Variants in NCOA2 observed in about 807,000 individuals in gnomAD.
NCOA2 encodes nuclear receptor coactivator 2, also known as class E basic helix-loop-helix protein 75.
NCOA2 carries 21 observed loss-of-function variants against 145.1 expected under a neutral mutation model. That is an observed-to-expected ratio of 0.14 (90% CI 0.10 to 0.21). NCOA2 has a LOEUF of 0.21. NCOA2 is among the 10% of genes least tolerant of loss of function. The pLI, the probability that NCOA2 is intolerant of heterozygous loss-of-function variation, is 1.00. For synonymous variants in NCOA2, 619 were observed against 637.5 expected (o/e 0.97, Z 0.44); for missense variants, 1,472 against 1,837.6 (o/e 0.80, Z 3.64).
In NCOA2 at chr8:70,264,720, A is replaced by C. The variant is rs536300303; in HGVS notation, c.-20+32024T>G. Among the ~76,000 whole-genome samples, 3 of 152,334 alleles carry C rather than the reference A, an allele frequency of 2.0e-5. No homozygotes were observed. The South Asian group carries it at 6.2e-4, about 32-fold the overall frequency. ...TGCCGGAATACTTGAAATTGGAAAA[A>C]ATTAGAAACAACCTAAATGCAGATC... On this transcript the variant is annotated intron_variant, in intron 2 of 22. Transcript: ENST00000452400.
At chr8:70,187,055 C>T (rs1415645112) in intron 4 of NCOA2, among the ~76,000 whole-genome samples, 1 of 152,176 alleles carries the variant, frequency 6.6e-6, no homozygotes, top group East Asian at 1.9e-4. Flanking sequence ...CCTTCCACAA[C>T]TATTTAAAGC....
At chr8:70,124,968 A>G in intron 19 of NCOA2, 103 bp from the exon 20 acceptor site, 1 of 990,810 alleles carries the variant, frequency 1.0e-6, no homozygotes, top group South Asian at 1.8e-5. Flanking sequence ...TGCATAAAAA[A>G]TTACTTTCAA....
chr8:70,179,906 C>T (rs139365795), intron 4 of NCOA2, among the ~76,000 whole-genome samples: 14 of 152,206 alleles, frequency 9.2e-5, no homozygotes, highest in African/African-American at 2.4e-4. Flanking sequence ...CTTCCTGCTA[C>T]GCTTTTACCA....
At chr8:70,195,548 AATGTACAATATAAAATTTTCACTTAATT>A in intron 4 of NCOA2, among the ~76,000 whole-genome samples, 1 of 152,290 alleles carries the variant, frequency 6.6e-6, no homozygotes, top group East Asian at 1.9e-4. Flanking sequence ...TGCCTCTGAA[AATGTACAATATAAAATTTTCACTTAATT>A]ATTTTTATGT....
At chr8:70,435,127 A>G in the NCOA2 span, among the ~76,000 whole-genome samples, 1 of 152,052 alleles carries the variant, frequency 6.6e-6, no homozygotes, top group Non-Finnish European at 1.5e-5. Context: ...TTCTGCTCTC[A>G]TTAAGAATAC....
intron 15 of NCOA2, among the ~76,000 whole-genome samples, chr8:70,137,242 C>T (rs2131705586): frequency 6.6e-6 from 1 of 152,284 alleles, no homozygotes; most frequent in Admixed American, 6.5e-5. Flanking sequence ...AGGGTTTCTC[C>T]ACGTTGGTCA....
At chr8:70,418,968 A>G in the NCOA2 span, among the ~76,000 whole-genome samples, 1 of 152,146 alleles carries the variant, frequency 6.6e-6, no homozygotes, top group South Asian at 2.1e-4. Flanking sequence ...CTGTAGTAAT[A>G]AAGTGAGTGC....
chr8:70,134,915 A>T (rs1268283888), intron 15 of NCOA2, among the ~76,000 whole-genome samples: 1 of 152,008 alleles, frequency 6.6e-6, no homozygotes, highest in Non-Finnish European at 1.5e-5. Context: ...CTTGCATGGT[A>T]TCTCTAATTC....
intron 1 of NCOA2, among the ~76,000 whole-genome samples, chr8:70,331,000 C>T (rs1054629943): frequency 6.6e-6 from 1 of 151,610 alleles, no homozygotes; most frequent in Non-Finnish European, 1.5e-5. Flanking sequence ...TAAAGCCTCC[C>T]GTACTCCCAC....
chr8:70,196,249 G>A (rs1175288300), intron 4 of NCOA2, among the ~76,000 whole-genome samples: 1 of 152,108 alleles, frequency 6.6e-6, no homozygotes, highest in African/African-American at 2.4e-5. Context: ...AGTGGTGCAC[G>A]TCTGTAATCT....
chr8:70,358,499 T>A (rs1037356143), intron 1 of NCOA2, among the ~76,000 whole-genome samples: 1 of 152,198 alleles, frequency 6.6e-6, no homozygotes, highest in South Asian at 2.1e-4. Context: ...TCAAGAGTAT[T>A]CAGTGGGGCA....
intron 1 of NCOA2, among the ~76,000 whole-genome samples, chr8:70,318,105 G>C (rs1805756525): frequency 6.6e-6 from 1 of 152,150 alleles, no homozygotes; most frequent in Admixed American, 6.5e-5. Context: ...TCTTATAAAA[G>C]TTAGGCCCTC....
At chr8:70,208,527 G>A (rs997874007) in intron 4 of NCOA2, among the ~76,000 whole-genome samples, 2 of 152,212 alleles carry the variant, frequency 1.3e-5, no homozygotes, top group African/African-American at 4.8e-5. Flanking sequence ...AGCCATCTAG[G>A]ACTTTCATAG....
Position 70,156,730 on chromosome 8 carries a change from C to G in NCOA2, c.1635G>C (p.Gly545=). 1 of 1,613,882 alleles carries G rather than the reference C, an allele frequency of 6.2e-7. No individual in the cohort carries two copies. ...AAGCCAACGATGACCCTAATGAGAC[C>G]CCGTGCCCCTCGCTGAGGGCCTGAA... The part of the protein sequence containing the change: ...NALQALSEGH[G]VSLGSSLASP... The change falls in exon 11 of 23, where the codon GGG becomes GGC. Residue 545 remains glycine (G), a synonymous_variant. Coordinates refer to ENST00000452400, the MANE Select transcript of NCOA2 (RefSeq NM_006540.4).
intron 1 of NCOA2, among the ~76,000 whole-genome samples, chr8:70,357,799 T>C (rs1340705831): frequency 6.6e-6 from 1 of 151,232 alleles, no homozygotes; most frequent in African/African-American, 2.4e-5. Flanking sequence ...ACCTGTAATG[T>C]GAGCACTTTG....
At chr8:70,260,107 A>T (rs1823988752) in intron 2 of NCOA2, among the ~76,000 whole-genome samples, 1 of 152,188 alleles carries the variant, frequency 6.6e-6, no homozygotes, top group Non-Finnish European at 1.5e-5. Context: ...TCAAATAAAG[A>T]TCCATTTTCC....
At chr8:70,358,470 C>A (rs1809934691) in intron 1 of NCOA2, among the ~76,000 whole-genome samples, 1 of 152,120 alleles carries the variant, frequency 6.6e-6, no homozygotes, top group Non-Finnish European at 1.5e-5. Context: ...CTATGGCAAA[C>A]TAATTTTCAA....
At chr8:70,214,109 T>A in intron 3 of NCOA2, 34 bp from the exon 4 acceptor site, 1 of 1,564,558 alleles carries the variant, frequency 6.4e-7, no homozygotes, top group Admixed American at 2.1e-5. Context: ...ATGATGTATT[T>A]GAAAAAGAGC....
intron 22 of NCOA2, among the ~76,000 whole-genome samples, chr8:70,120,720 C>CA (rs371367078): frequency 1.3e-4 from 19 of 151,418 alleles, no homozygotes; most frequent in African/African-American, 2.7e-4. Context: ...GACACTGTCT[C>CA]AAAAAAACAA....
Sources: allele counts gnomAD v4.1 joint callset (sites outside exome capture counted in the v4.1 genomes callset), GRCh38; gene constraint gnomAD v4.1.1; transcripts MANE v1.5; gene names NCBI Gene and HGNC (gene_info 2026-07-23, HGNC 2026-07-21).